Variants in TRIM35 observed in about 807,000 individuals in gnomAD.
The protein encoded by TRIM35 is E3 ubiquitin-protein ligase TRIM35.
TRIM35 carries 37 observed loss-of-function variants against 49.1 expected under a neutral mutation model. The observed-to-expected ratio is 0.75, with a 90% CI of 0.58 to 0.99. The LOEUF is 0.99. Ranked by LOEUF, TRIM35 falls within the 50% of genes least tolerant of loss-of-function variation. The probability of loss-of-function intolerance (pLI) is 0.00; values close to 1 mark genes in which losing one functional copy is unlikely to be tolerated. For synonymous variants in TRIM35, 302 were observed against 289.3 expected, an observed-to-expected ratio of 1.04 and a Z score of -0.45; for missense variants, 648 against 702.7, an observed-to-expected ratio of 0.92 and a Z score of 0.88.
In TRIM35 at chr8:27,287,755, C is replaced by T. The variant is rs1422821170; in HGVS notation, c.1277G>A (p.Arg426His). The T allele has an allele frequency of 2.0e-5, 32 of 1,610,048 alleles. No homozygotes were observed. Among genetic ancestry groups the T allele is most frequent in the Non-Finnish European group, 2.6e-5 (31 of 1,178,582 alleles). ...ACACTCCAGCTCCACACGCAGGCGG[C>T]GTGGGATGGCCAGGACCAGGGGCGA... Reference protein sequence around the residue: ...ATSPLVLAIPRRLRVELECEE... With the variant: ...ATSPLVLAIPHRLRVELECEE... The change falls in exon 6 of 6, where the codon CGC becomes CAC. Residue 426 changes from arginine (R) to histidine (H), a missense_variant. Arg to His is a conservative substitution (Grantham distance 29). Transcript: ENST00000305364. This position sits in a 1 kb window ranked among gnomAD's most constrained non-coding sequence, Gnocchi z 6.0.
chr8:27,289,205 C>G lies in TRIM35; in HGVS notation c.861G>C (p.Leu287=). The change falls in exon 5 of 6, where the codon CTG becomes CTC. Residue 287 remains leucine (L), a synonymous_variant. Coordinates refer to ENST00000305364, the MANE Select transcript of TRIM35 (RefSeq NM_171982.5). Reference sequence around the variant, plus strand: ...GCATCTTCTTCCAGACGCGGTACTGCAGGGAGCCCAGGTACTTGCAGACAT... The same window carrying G: ...GCATCTTCTTCCAGACGCGGTACTGGAGGGAGCCCAGGTACTTGCAGACAT... The part of the protein sequence containing the change: ...LIDVCKYLGS[L]QYRVWKKMLA... 1 of 1,614,132 alleles carries G rather than the reference C, an allele frequency of 6.2e-7. No homozygotes were observed. The highest frequency in any genetic ancestry group is 8.5e-7 in the Non-Finnish European group (1 of 1,179,990).
In TRIM35 at chr8:27,287,811, C is replaced by T; in HGVS notation, c.1221G>A (p.Gly407=). The T allele has an allele frequency of 2.5e-6, 4 of 1,611,168 alleles. No individual in the cohort carries two copies. Among genetic ancestry groups the T allele is most frequent in the Non-Finnish European group, 3.4e-6 (4 of 1,179,116 alleles). The change falls in exon 6 of 6, where the codon GGG becomes GGA. Residue 407 remains glycine, a synonymous_variant. Transcript: ENST00000305364. The surrounding 1 kb of genome is among the most constrained non-coding windows in gnomAD (Gnocchi z 6.0). The part of the protein sequence containing the change: ...WYVCRTQGVE[G]DHCVTSDPAT... Reference sequence around the variant, plus strand: ...CTGGGTCCGAGGTCACGCAGTGGTCCCCCTCCACGCCCTGCGTGCGGCAGA... The same window carrying T: ...CTGGGTCCGAGGTCACGCAGTGGTCTCCCTCCACGCCCTGCGTGCGGCAGA...
intron 1 of TRIM35, among the ~76,000 whole-genome samples, chr8:27,303,964 G>C (rs1340413081): frequency 2.6e-5 from 4 of 152,208 alleles, no homozygotes; most frequent in African/African-American, 7.2e-5. Flanking sequence ...AAAATGCTGG[G>C]ATTACAGGCA....
At position 27,288,103 on chromosome 8, in the gene TRIM35, G is replaced by C; in HGVS notation, c.929C>G (p.Thr310Ser). The C allele has an allele frequency of 6.2e-7, 1 of 1,608,724 alleles. No homozygotes were observed. The highest frequency in any genetic ancestry group is 8.5e-7 in the Non-Finnish European group (1 of 1,179,806). Residue 310 changes from threonine to serine, a missense_variant, in exon 6 of 6, where the codon ACC (threonine) becomes AGC (serine). Coordinates refer to ENST00000305364, the MANE Select transcript of TRIM35 (RefSeq NM_171982.5). ...AGACACGGAGAGCCAGCCAGCTGCG[G>C]TGTTGGGGTCAAAGCTGAAGGGTAC... ...ESVPFSFDPNTAAGWLSVSDD... is the reference protein window; with the variant it reads ...ESVPFSFDPNSAAGWLSVSDD...
At chr8:27,307,370 C>T (rs1199605624) in intron 1 of TRIM35, among the ~76,000 whole-genome samples, 1 of 152,054 alleles carries the variant, frequency 6.6e-6, no homozygotes, top group Admixed American at 6.6e-5. Flanking sequence ...TGCTCGCCGC[C>T]CCTCAATCAG....
Position 27,289,267 on chromosome 8 carries a change from T to C in TRIM35, c.799A>G (p.Met267Val), listed in dbSNP as rs765461872. 28 of 1,613,968 alleles carry C rather than the reference T, an allele frequency of 1.7e-5. No homozygotes were observed. The highest frequency in any genetic ancestry group is 1.6e-4 in the East Asian group (7 of 44,876). ...KSRKRRLFCT[M>V]EPEPVQPGML... ...CCGGGCTGGACTGGCTCTGGCTCCA[T>C]GGTGCAGAAGAGTCTGGAAAAGTAC... is the stretch of plus-strand genomic sequence containing the variant. Residue 267 changes from methionine to valine, a missense_variant, in exon 5 of 6, where the codon ATG becomes GTG. Coordinates refer to ENST00000305364, the MANE Select transcript of TRIM35 (RefSeq NM_171982.5).
chr8:27,294,616 G>A (rs1485765742), intron 2 of TRIM35, among the ~76,000 whole-genome samples: 1 of 152,110 alleles, frequency 6.6e-6, no homozygotes, highest in Non-Finnish European at 1.5e-5. Context: ...TCCTTCTTTA[G>A]GTTGCACCAT....
intron 1 of TRIM35, among the ~76,000 whole-genome samples, chr8:27,299,783 T>C (rs931616247): frequency 6.6e-6 from 1 of 152,192 alleles, no homozygotes; most frequent in Non-Finnish European, 1.5e-5. Context: ...ATGAGATGTT[T>C]GGAGAGCTTG....
At position 27,297,035 on chromosome 8, in the gene TRIM35, T is replaced by C. The variant is rs142402407; in HGVS notation, c.531+1429A>G. ...GATTAGCTTGGAGGGGGTTGAGGGA[T>C]TTGCTGGGGAACTGGGCTTAGATTT... On this transcript the variant is annotated intron_variant, in intron 2 of 5. Coordinates refer to ENST00000305364, the MANE Select transcript of TRIM35 (RefSeq NM_171982.5). Among the ~76,000 whole-genome samples, 765 of 152,246 alleles carry C rather than the reference T, an allele frequency of 5.0e-3. 8 individuals are homozygous for C. Among genetic ancestry groups the C allele is most frequent in the African/African-American group, 0.018 (741 of 41,528 alleles).
At chr8:27,302,094 G>C (rs965387769) in intron 1 of TRIM35, among the ~76,000 whole-genome samples, 1 of 152,134 alleles carries the variant, frequency 6.6e-6, no homozygotes, top group Non-Finnish European at 1.5e-5. Context: ...ATTTCTGATA[G>C]GTTTCTCTTC....
chr8:27,302,433 G>T (rs762215679), intron 1 of TRIM35, among the ~76,000 whole-genome samples: 1 of 151,814 alleles, frequency 6.6e-6, no homozygotes, highest in Non-Finnish European at 1.5e-5. Flanking sequence ...CCAAAACAGG[G>T]TCCCCCTCTG....
At chr8:27,309,624 G>A (rs1802861629) in intron 1 of TRIM35, among the ~76,000 whole-genome samples, 1 of 152,058 alleles carries the variant, frequency 6.6e-6, no homozygotes, top group Non-Finnish European at 1.5e-5. Flanking sequence ...TCCCAATTGG[G>A]GCTCTGACTC....
chr8:27,298,615 G>A, intron 1 of TRIM35, 56 bp from the exon 2 acceptor site: 1 of 1,428,042 alleles, frequency 7.0e-7, no homozygotes, highest in Non-Finnish European at 9.9e-7. Context: ...AGGCTGGGCA[G>A]AGAGGGCAGA....
intron 3 of TRIM35, among the ~76,000 whole-genome samples, chr8:27,293,215 C>G (rs2130272731): frequency 6.6e-6 from 1 of 152,206 alleles, no homozygotes; most frequent in East Asian, 1.9e-4. Context: ...ACCCCTTCCA[C>G]AGCAGTCAGC....
intron 1 of TRIM35, among the ~76,000 whole-genome samples, chr8:27,307,573 C>T (rs527721483): frequency 6.6e-6 from 1 of 152,318 alleles, no homozygotes; most frequent in East Asian, 1.9e-4. Context: ...CCGGTCCTGT[C>T]CTGGACACAG....
At chr8:27,289,889 T>C (rs543868935) in intron 4 of TRIM35, among the ~76,000 whole-genome samples, 1 of 151,968 alleles carries the variant, frequency 6.6e-6, no homozygotes, top group African/African-American at 2.4e-5. Context: ...ACATGCAGGA[T>C]AGTGTTCTCC....
chr8:27,310,450 G>A (rs1468045952), intron 1 of TRIM35, among the ~76,000 whole-genome samples: 2 of 152,216 alleles, frequency 1.3e-5, no homozygotes, highest in East Asian at 3.8e-4. Flanking sequence ...TACAGGGCTC[G>A]TGGGCTGCAC....
chr8:27,300,310 G>A (rs1302545512), intron 1 of TRIM35, among the ~76,000 whole-genome samples: 1 of 152,206 alleles, frequency 6.6e-6, no homozygotes. Context: ...AGCTAAGGCA[G>A]GCCCAATTCC....
chr8:27,304,785 G>C (rs550904157), intron 1 of TRIM35: 4 of 455,992 alleles, frequency 8.8e-6, no homozygotes, highest in African/African-American at 4.0e-5. Context: ...TGAAGGTTAG[G>C]AGAGCTGGTT....
Sources: gnomAD v4.1 joint callset for allele counts (sites outside exome capture counted in the v4.1 genomes callset) on GRCh38, gnomAD v4.1.1 for gene constraint, Gnocchi (gnomAD v3.1) non-coding constraint, MANE v1.5 for transcripts, NCBI Gene and HGNC (gene_info 2026-07-23, HGNC 2026-07-21) for gene names.